The following FAM131C variants were observed in gnomAD, a reference collection of about 807,000 sequenced individuals.
The protein encoded by FAM131C is protein FAM131C.
A neutral mutation model predicts 29.8 loss-of-function variants in FAM131C; 14 were observed. The ratio of observed to expected loss-of-function variants is 0.47; its 90% CI spans 0.31 to 0.73. The LOEUF is 0.73. FAM131C is among the 30% of genes least tolerant of loss of function. FAM131C has a pLI of 0.05. For missense variants in FAM131C, 252 were observed against 383.8 expected (o/e 0.66, Z 2.87); for synonymous variants, 86 against 157.8 (o/e 0.54, Z 3.41).
intron 1 of FAM131C, among the ~76,000 whole-genome samples, chr1:16,065,536 C>G (rs924832328): frequency 7.9e-5 from 12 of 152,232 alleles, no homozygotes; most frequent in African/African-American, 2.9e-4. Context: ...GCCCTGGCGC[C>G]CTGCATGGCT....
rs559217031 is a variant in FAM131C, at chr1:16,059,699, C to T, written c.452-95G>A. The T allele has an allele frequency of 8.5e-4, 1,070 of 1,258,680 alleles. 3 individuals carry two copies. The African/African-American group carries it at 0.014, about 17-fold the overall frequency. 78.0% of individuals were successfully genotyped at this position (1,258,680 alleles called of 1,614,324 possible). A position where few individuals can be genotyped will look rare whatever the true frequency, so the allele number is the denominator to read the frequency against. On this transcript the variant is annotated intron_variant, in intron 5 of 6. Coordinates refer to ENST00000375662, the MANE Select transcript of FAM131C (RefSeq NM_182623.3). Reference sequence around the variant, plus strand: ...TCCAGGACAGGCGGGAGGGTGGCCACCTCTCTGGGCTGCCAATCCACACCC... The same window carrying T: ...TCCAGGACAGGCGGGAGGGTGGCCATCTCTCTGGGCTGCCAATCCACACCC...
rs775506865 is a variant in FAM131C, at chr1:16,062,131, T to C, written c.236A>G (p.Asn79Ser). Reference protein sequence around the residue: ...SDSRSRPGNYNVAALATSSLV... With the variant: ...SDSRSRPGNYSVAALATSSLV... ...GGACGAGGTGGCCAGGGCTGCCACGTTGTAGTTGCCGGGGCGGGATCTGGA... is the reference window on the plus strand; with the variant it reads ...GGACGAGGTGGCCAGGGCTGCCACGCTGTAGTTGCCGGGGCGGGATCTGGA... Residue 79 changes from asparagine (N) to serine (S), a missense_variant, in exon 4 of 7, where the codon AAC becomes AGC. This residue lies in a region of FAM131C where 52 missense variants were observed against 105.9 expected (regional missense o/e 0.49). Transcript: ENST00000375662. The C allele has an allele frequency of 1.2e-6, 2 of 1,611,760 alleles. No individual in the cohort carries two copies. Among genetic ancestry groups the C allele is most frequent in the South Asian group, 2.2e-5 (2 of 90,934 alleles).
chr1:16,064,976 C>A (rs1353536838), intron 1 of FAM131C, among the ~76,000 whole-genome samples: 1 of 152,210 alleles, frequency 6.6e-6, no homozygotes, highest in Non-Finnish European at 1.5e-5. Flanking sequence ...TTTGGCTCCT[C>A]CCTGGCTCAC....
chr1:16,063,230 A>G (rs1411686083), intron 2 of FAM131C, among the ~76,000 whole-genome samples: 2 of 151,468 alleles, frequency 1.3e-5, no homozygotes, highest in East Asian at 3.8e-4. Context: ...GAGGCTGCTC[A>G]GGAGTAGCGG....
chr1:16,072,874 G>A (rs1368280095), intron 1 of FAM131C, among the ~76,000 whole-genome samples: 1 of 152,102 alleles, frequency 6.6e-6, no homozygotes, highest in Non-Finnish European at 1.5e-5. Flanking sequence ...GATGGGGGTG[G>A]GGAGGAGGAT....
chr1:16,070,065 C>T (rs2023732811), intron 1 of FAM131C, among the ~76,000 whole-genome samples: 1 of 152,158 alleles, frequency 6.6e-6, no homozygotes, highest in Admixed American at 6.5e-5. Flanking sequence ...ACCTCTCTCT[C>T]TATAGGGACG....
chr1:16,068,220 TACG>T (rs2023707023), intron 1 of FAM131C, among the ~76,000 whole-genome samples: 1 of 152,244 alleles, frequency 6.6e-6, no homozygotes, highest in Non-Finnish European at 1.5e-5. Flanking sequence ...GCATTCCTCT[TACG>T]GTCCCTGAGC....
intron 2 of FAM131C, 115 bp from the exon 3 acceptor site, chr1:16,062,649 G>A: frequency 6.9e-7 from 1 of 1,450,570 alleles, no homozygotes. Flanking sequence ...GGTGCTGTGT[G>A]AGGTTGGGGT....
intron 1 of FAM131C, 99 bp downstream of exon 1, chr1:16,073,322 G>T: frequency 1.6e-6 from 1 of 640,556 alleles, no homozygotes; most frequent in Non-Finnish European, 2.2e-6. Context: ...GGGCCGTGAA[G>T]GGCGGGTCGC....
chr1:16,072,557 A>G (rs1385363600), intron 1 of FAM131C, among the ~76,000 whole-genome samples: 1 of 152,144 alleles, frequency 6.6e-6, no homozygotes, highest in African/African-American at 2.4e-5. Flanking sequence ...GGCTCAGCCC[A>G]ATCGCTTGTC....
intron 1 of FAM131C, among the ~76,000 whole-genome samples, chr1:16,067,652 G>A (rs1570357969): frequency 6.6e-6 from 1 of 152,276 alleles, no homozygotes; most frequent in South Asian, 2.1e-4. Flanking sequence ...TGCATCTTGA[G>A]GGTGCTTCCT....
chr1:16,067,666 T>C (rs192765551), intron 1 of FAM131C, among the ~76,000 whole-genome samples: 45 of 152,292 alleles, frequency 3.0e-4, no homozygotes, highest in African/African-American at 1.0e-3. Flanking sequence ...GCTTCCTGCC[T>C]TCCTATGCCA....
At chr1:16,072,503 C>A (rs1338237232) in intron 1 of FAM131C, among the ~76,000 whole-genome samples, 1 of 152,162 alleles carries the variant, frequency 6.6e-6, no homozygotes, top group Non-Finnish European at 1.5e-5. Context: ...CCAGTCACAC[C>A]CCCCTGATCC....
chr1:16,073,358 C>T (rs1384383912), intron 1 of FAM131C, 63 bp downstream of exon 1: 7 of 970,486 alleles, frequency 7.2e-6, no homozygotes, highest in Middle Eastern at 3.8e-4. Flanking sequence ...GGTCTCCGAG[C>T]GGCGAGGGGA....
chr1:16,063,741 CCAA>C, intron 1 of FAM131C, 105 bp from the exon 2 acceptor site: 1 of 683,826 alleles, frequency 1.5e-6, no homozygotes, highest in Admixed American at 3.2e-5. Flanking sequence ...TTGTTTTTAT[CCAA>C]CAACATCGTA....
At chr1:16,063,723 G>A in intron 1 of FAM131C, 87 bp from the exon 2 acceptor site, 3 of 813,780 alleles carry the variant, frequency 3.7e-6, no homozygotes, top group Admixed American at 2.9e-5. Flanking sequence ...CGTAAGGTGA[G>A]TATGGCCTTG....
chr1:16,071,475 A>G (rs12062567), intron 1 of FAM131C, among the ~76,000 whole-genome samples: 14,786 of 152,230 alleles, frequency 0.097, 1,466 homozygotes, highest in African/African-American at 0.26. Context: ...CATCAGTGAT[A>G]AGGAGAGGGC....
intron 1 of FAM131C, among the ~76,000 whole-genome samples, chr1:16,066,456 C>T (rs759282043): frequency 1.2e-4 from 19 of 152,206 alleles, no homozygotes; most frequent in Non-Finnish European, 2.5e-4. Flanking sequence ...TTTCCTGAGT[C>T]CCTGCTGTGT....
intron 1 of FAM131C, 88 bp downstream of exon 1, chr1:16,073,333 C>A: frequency 1.3e-6 from 1 of 774,514 alleles, no homozygotes; most frequent in Non-Finnish European, 1.7e-6. Flanking sequence ...GGCGGGTCGC[C>A]AGCCCCATCC....
Sources: gnomAD v4.1 joint callset for allele counts (sites outside exome capture counted in the v4.1 genomes callset) on GRCh38, gnomAD v4.1.1 for gene constraint, gnomAD v4.1.1 regional missense constraint, MANE v1.5 for transcripts, NCBI Gene and HGNC (gene_info 2026-07-23, HGNC 2026-07-21) for gene names.